PDE8A: variants seen among roughly 807,000 people sequenced by gnomAD.
The protein encoded by PDE8A is phosphodiesterase 8A.
PDE8A carries 59 observed loss-of-function variants against 105.0 expected under a neutral mutation model. The ratio of observed to expected loss-of-function variants is 0.56; its 90% CI spans 0.46 to 0.70. The LOEUF (loss-of-function observed/expected upper bound fraction) is 0.70, where lower values mean the gene tolerates loss of function less well. Among genes scored for constraint, PDE8A ranks in the 30% least tolerant of loss-of-function variants. The pLI is 0.00. For synonymous variants in PDE8A, 355 were observed against 371.9 expected (o/e 0.95, Z 0.52); for missense variants, 1,014 against 1,045.9 (o/e 0.97, Z 0.42).
intron 6 of PDE8A, 63 bp from the exon 7 acceptor site, chr15:85,089,274 AT>A: frequency 1.2e-6 from 1 of 856,568 alleles, no homozygotes; most frequent in East Asian, 2.6e-5. Context: ...AAATAATGTA[AT>A]AACCCAAGAT....
At chr15:85,135,244 G>C (rs145804512) in intron 20 of PDE8A, among the ~76,000 whole-genome samples, 18 of 152,240 alleles carry the variant, frequency 1.2e-4, no homozygotes, top group African/African-American at 2.9e-4. Flanking sequence ...GACACGTCTT[G>C]TGAGTGGCCA....
intron 1 of PDE8A, among the ~76,000 whole-genome samples, chr15:85,015,631 A>G (rs952852937): frequency 3.3e-5 from 5 of 152,112 alleles, no homozygotes; most frequent in African/African-American, 9.7e-5. Context: ...ATATCTCACT[A>G]TGGTTTTTAG....
At chr15:85,097,805 AT>A (rs1158164688) in intron 8 of PDE8A, 142 bp from the exon 9 acceptor site, 1 of 613,408 alleles carries the variant, frequency 1.6e-6, no homozygotes, top group Non-Finnish European at 2.9e-6. Context: ...GAATTGTCCT[AT>A]TACCTGAAAT....
chr15:85,060,904 C>G (rs2081133982), intron 1 of PDE8A, among the ~76,000 whole-genome samples: 1 of 152,138 alleles, frequency 6.6e-6, no homozygotes, highest in South Asian at 2.1e-4. Context: ...CTTCAGACAG[C>G]TTTGAGTTAC....
At chr15:84,997,014 G>C (rs926301344) in intron 1 of PDE8A, among the ~76,000 whole-genome samples, 9 of 151,638 alleles carry the variant, frequency 5.9e-5, no homozygotes, top group Admixed American at 5.9e-4. Context: ...CACTAAATTT[G>C]TTTTAAAAAT....
intron 12 of PDE8A, among the ~76,000 whole-genome samples, chr15:85,110,406 T>C (rs1399505005): frequency 1.3e-5 from 2 of 152,334 alleles, no homozygotes; most frequent in South Asian, 4.1e-4. Context: ...CAATTCTGTA[T>C]GCTCATGTAG....
chr15:85,084,327 G>A (rs762687438), intron 6 of PDE8A, among the ~76,000 whole-genome samples: 80 of 152,230 alleles, frequency 5.3e-4, no homozygotes, highest in Non-Finnish European at 9.1e-4. Context: ...ACCAGTACAG[G>A]GTTCCACGTG....
chr15:84,997,149 G>A (rs2079992187), intron 1 of PDE8A, among the ~76,000 whole-genome samples: 1 of 151,932 alleles, frequency 6.6e-6, no homozygotes, highest in Non-Finnish European at 1.5e-5. Flanking sequence ...CTGTAGCTAA[G>A]TATTTTTTTT....
chr15:85,105,575 T>A (rs550689750), intron 11 of PDE8A, among the ~76,000 whole-genome samples: 1 of 152,270 alleles, frequency 6.6e-6, no homozygotes, highest in African/African-American at 2.4e-5. Flanking sequence ...CCACTGTTTT[T>A]CCAGGGTTTC....
intron 8 of PDE8A, among the ~76,000 whole-genome samples, chr15:85,091,642 C>A (rs1414193988): frequency 6.6e-6 from 1 of 152,050 alleles, no homozygotes; most frequent in Non-Finnish European, 1.5e-5. Context: ...GAAAGAAGAG[C>A]AAAACAAAAA....
rs1567262254 is a variant in PDE8A, at chr15:85,067,179, C to T, written c.409C>T (p.Gln137Ter). 2.5e-6 allele frequency: 4 copies of T among 1,613,796 alleles called. No individual in the cohort carries two copies. The highest frequency in any genetic ancestry group is 3.4e-6 in the Non-Finnish European group (4 of 1,179,828). Residue 137 changes from glutamine to a stop codon, truncating the protein, a stop_gained, in exon 3 of 22, where the codon CAG (glutamine) becomes TAG (stop). Transcript: ENST00000394553. LOFTEE classifies it high-confidence loss of function. ...IIIIDHRNPRQLDAEALCRSI... is the reference protein window; with the variant it reads ...IIIIDHRNPR ...CATCATAGACCACAGAAATCCTCGA[C>T]AGCTGGATGCAGAGGCACTGTGCAG...
intron 8 of PDE8A, among the ~76,000 whole-genome samples, chr15:85,095,877 T>TTTAATATATATATATATATATATATATA (rs1567281626): frequency 6.7e-6 from 1 of 148,720 alleles, no homozygotes; most frequent in African/African-American, 2.5e-5. Flanking sequence ...TATATATATT[T>TTTAATATATATATATATATATATATATA]TTTTTATATA....
intron 3 of PDE8A, among the ~76,000 whole-genome samples, chr15:85,067,963 G>C (rs2081256194): frequency 6.6e-6 from 1 of 152,056 alleles, no homozygotes; most frequent in Admixed American, 6.6e-5. Context: ...CCTTGATCTA[G>C]TGCCTGAAAT....
chr15:85,121,989 T>G (rs55940212), intron 18 of PDE8A, among the ~76,000 whole-genome samples: 3,129 of 152,284 alleles, frequency 0.021, 60 homozygotes, highest in African/African-American at 0.042. Flanking sequence ...TCTTGAGCTC[T>G]TAGAGACTCA....
chr15:85,013,836 G>T (rs191506287), intron 1 of PDE8A, among the ~76,000 whole-genome samples: 54 of 152,268 alleles, frequency 3.5e-4, no homozygotes, highest in East Asian at 7.7e-4. Context: ...CACTTCCAAG[G>T]TGCTTCACTC....
intron 1 of PDE8A, among the ~76,000 whole-genome samples, chr15:85,003,566 A>G (rs767014874): frequency 2.6e-5 from 4 of 152,208 alleles, no homozygotes; most frequent in Non-Finnish European, 1.5e-5. Flanking sequence ...CAAGGCCCCA[A>G]AACGCTTTTT....
At chr15:85,100,501 G>A (rs566763169) in intron 11 of PDE8A, among the ~76,000 whole-genome samples, 1 of 152,232 alleles carries the variant, frequency 6.6e-6, no homozygotes, top group Non-Finnish European at 1.5e-5. Flanking sequence ...CTTTAAGAGG[G>A]TTGAGTGTTT....
In PDE8A at chr15:85,066,964, C is replaced by G. The variant is rs757308187; in HGVS notation, c.244-50C>G. ...AAGAAAAAAAAAGTGTAAGAAATGACAATTCTAACATCTTTTTTTAAAAAA... is the reference window on the plus strand; with the variant it reads ...AAGAAAAAAAAAGTGTAAGAAATGAGAATTCTAACATCTTTTTTTAAAAAA... On this transcript the variant is annotated intron_variant, in intron 2 of 21. Transcript: ENST00000394553. 2.2e-6 allele frequency: 3 copies of G among 1,350,354 alleles called. No homozygotes were observed. In the African/African-American group the frequency reaches 4.4e-5, roughly 20 times the overall value. The allele number at this position is 1,350,354 out of a possible 1,614,324, so 83.6% of individuals were successfully genotyped here. A position where few individuals can be genotyped will look rare whatever the true frequency, so the allele number is the denominator to read the frequency against.
At chr15:85,105,832 C>T (rs111550717) in intron 11 of PDE8A, among the ~76,000 whole-genome samples, 12 of 152,262 alleles carry the variant, frequency 7.9e-5, no homozygotes, top group African/African-American at 1.7e-4. Context: ...GGGCGCAGCA[C>T]GCCTTCAGGA....
Sources: gnomAD v4.1 joint callset for allele counts (sites outside exome capture counted in the v4.1 genomes callset) on GRCh38, gnomAD v4.1.1 for gene constraint, MANE v1.5 for transcripts, NCBI Gene and HGNC (gene_info 2026-07-23, HGNC 2026-07-21) for gene names.